Variants in AKAP9 observed in about 807,000 individuals in gnomAD.
AKAP9 encodes A-kinase anchoring protein 9.
In AKAP9, 311 loss-of-function variants were observed where a neutral mutation model predicts 488.5. That is an observed-to-expected ratio of 0.64 (90% CI 0.58 to 0.70). The LOEUF is 0.70. Among genes scored for constraint, AKAP9 ranks in the 30% least tolerant of loss-of-function variants. The pLI is 0.00. For synonymous variants in AKAP9, 1,462 were observed against 1,483.5 expected (o/e 0.99, Z 0.33); for missense variants, 4,215 against 4,374.5 (o/e 0.96, Z 1.03).
At chr7:91,970,144 G>A (rs1439115163) in intron 1 of AKAP9, among the ~76,000 whole-genome samples, 1 of 151,600 alleles carries the variant, frequency 6.6e-6, no homozygotes, top group Non-Finnish European at 1.5e-5. Context: ...TTATTTTAAT[G>A]ATATGACAAC....
intron 8 of AKAP9, among the ~76,000 whole-genome samples, chr7:92,007,112 T>TA (rs1309799165): frequency 6.6e-6 from 1 of 152,142 alleles, no homozygotes; most frequent in Non-Finnish European, 1.5e-5. Context: ...GCCTTCATGT[T>TA]AGAGTCAGGA....
chr7:92,108,376 G>T, intron 48 of AKAP9, 118 bp from the exon 49 acceptor site: 1 of 938,346 alleles, frequency 1.1e-6, no homozygotes, highest in South Asian at 1.3e-5. Context: ...GCTTGGAGGA[G>T]ATACATTATG....
chr7:92,070,933 T>C lies in AKAP9; in HGVS notation c.6536T>C (p.Val2179Ala), dbSNP rs1060503580. ...KVEDRKHFGA[V>A]EAKPELSLEV... ...GAGGACCGAAAACACTTTGGAGCTGTAGAAGCTAAACCAGAATTGTCCCTA... is the reference window on the plus strand; with the variant it reads ...GAGGACCGAAAACACTTTGGAGCTGCAGAAGCTAAACCAGAATTGTCCCTA... Residue 2179 changes from valine (V) to alanine (A), a missense_variant, in exon 28 of 50, where the codon GTA (valine) becomes GCA (alanine). By Grantham distance (64) the Val-to-Ala change is moderately conservative. Transcript: ENST00000356239. 8.1e-6 allele frequency: 13 copies of C among 1,613,744 alleles called. No homozygotes were observed. The highest frequency in any genetic ancestry group is 1.6e-4 in the Middle Eastern group (1 of 6,082).
intron 21 of AKAP9, among the ~76,000 whole-genome samples, chr7:92,046,122 C>A (rs1711930807): frequency 6.6e-6 from 1 of 152,142 alleles, no homozygotes; most frequent in Non-Finnish European, 1.5e-5. Flanking sequence ...GCGTGAGCCA[C>A]CATGCCCGGC....
At chr7:92,089,106 C>T (rs1815092099) in intron 37 of AKAP9, among the ~76,000 whole-genome samples, 1 of 151,992 alleles carries the variant, frequency 6.6e-6, no homozygotes, top group African/African-American at 2.4e-5. Context: ...CTCTGTATAT[C>T]ACATAATAGT....
chr7:92,045,266 C>A, intron 21 of AKAP9, 53 bp downstream of exon 21: 2 of 1,547,148 alleles, frequency 1.3e-6, no homozygotes, highest in South Asian at 1.1e-5. Context: ...CTGCTGAGTT[C>A]AAGGCATTTT....
rs773171728 is a variant in AKAP9 at position 92,045,081 on chromosome 7, G to A, written c.5236G>A (p.Glu1746Lys). 2 of 1,613,478 alleles carry A rather than the reference G, an allele frequency of 1.2e-6. No homozygotes were observed. Among genetic ancestry groups the A allele is most frequent in the Non-Finnish European group, 1.7e-6 (2 of 1,179,900 alleles). The change falls in exon 21 of 50, where the codon GAA becomes AAA. Residue 1746 changes from glutamate to lysine, a missense_variant. Coordinates refer to ENST00000356239, the MANE Select transcript of AKAP9 (RefSeq NM_005751.5). ...LEVVKTTAAV[E>K]ETIGRHVLGI... The stretch of plus-strand genomic sequence containing the variant: ...AGTTGTAAAGACAACAGCAGCTGTT[G>A]AAGAAACAATTGGTCGCCATGTCCT...
chr7:92,100,208 C>T (rs1379147363), intron 44 of AKAP9, among the ~76,000 whole-genome samples: 8 of 152,182 alleles, frequency 5.3e-5, no homozygotes, highest in East Asian at 1.9e-4. Flanking sequence ...TAGGGACCAA[C>T]AACAGATACA....
At chr7:92,041,079 G>A (rs1806030181) in intron 18 of AKAP9, 181 bp downstream of exon 18, 1 of 573,988 alleles carries the variant, frequency 1.7e-6, no homozygotes, top group East Asian at 2.8e-5. Context: ...TACTAAGACA[G>A]CAGCTTTAGA....
rs768097461 is a variant in AKAP9 at position 91,992,940 on chromosome 7, C to T, written c.461C>T (p.Pro154Leu). ...TCTGAACAAGGAGCACAAGACAGTCCGACTCATCTAGAGATGATGGAAAGT... is the reference window on the plus strand; with the variant it reads ...TCTGAACAAGGAGCACAAGACAGTCTGACTCATCTAGAGATGATGGAAAGT... ...SYSEQGAQDS[P>L]THLEMMESEL... The change falls in exon 5 of 50, where the codon CCG becomes CTG. Residue 154 changes from proline to leucine, a missense_variant. Pro to Leu is a moderately conservative substitution (Grantham distance 98). This residue lies in a region of AKAP9 where 2,361 missense variants were observed against 2,430.0 expected (regional missense o/e 0.97). Coordinates refer to ENST00000356239, the MANE Select transcript of AKAP9 (RefSeq NM_005751.5). 61 of 1,613,760 alleles carry T rather than the reference C, an allele frequency of 3.8e-5. No homozygotes were observed. In the Admixed American group the frequency reaches 5.0e-4, roughly 13 times the overall value.
chr7:92,017,487 C>T (rs1270101637), intron 12 of AKAP9, among the ~76,000 whole-genome samples: 3 of 152,026 alleles, frequency 2.0e-5, no homozygotes, highest in African/African-American at 7.2e-5. Flanking sequence ...TTATACATGT[C>T]AATTTTATTT....
intron 26 of AKAP9, among the ~76,000 whole-genome samples, chr7:92,067,827 T>C (rs954038756): frequency 5.3e-5 from 8 of 152,228 alleles, no homozygotes; most frequent in African/African-American, 1.7e-4. Flanking sequence ...AGTTAACCTC[T>C]CAAATCTCTG....
rs199520011 is a variant in AKAP9 at position 92,075,775 on chromosome 7, T to TA, written c.6613-1079dup. The stretch of plus-strand genomic sequence containing the variant: ...GTAAACTGTTACAAGTGATGGCTGT[T>TA]ACTACTAGTATTGATACTGTTTAGG... On this transcript the variant is annotated intron_variant, in intron 28 of 49. Transcript: ENST00000356239. Among the ~76,000 whole-genome samples the TA allele has an allele frequency of 6.6e-5, 10 of 152,372 alleles. No individual in the cohort carries two copies. The East Asian group carries it at 1.7e-3, about 26-fold the overall frequency.
intron 23 of AKAP9, among the ~76,000 whole-genome samples, chr7:92,061,762 A>T (rs1245714696): frequency 1.3e-5 from 2 of 151,818 alleles, no homozygotes; most frequent in African/African-American, 2.4e-5. Context: ...AAGCGAAAAG[A>T]TGTTATTAAA....
chr7:92,093,076 T>C, intron 38 of AKAP9, 21 bp from the exon 39 acceptor site: 1 of 1,590,998 alleles, frequency 6.3e-7, no homozygotes, highest in Non-Finnish European at 8.6e-7. Context: ...ATGTTTCAAA[T>C]ATTAATCATG....
chr7:92,032,458 T>C (rs1013468949), intron 16 of AKAP9, among the ~76,000 whole-genome samples: 2 of 150,086 alleles, frequency 1.3e-5, no homozygotes, highest in Admixed American at 1.3e-4. Flanking sequence ...ATCGCACCAT[T>C]GTACTCCAGC....
intron 49 of AKAP9, chr7:92,109,049 G>GAAAA: frequency 5.7e-6 from 1 of 174,446 alleles, no homozygotes; most frequent in East Asian, 8.9e-5. Context: ...CTGTCTCAAA[G>GAAAA]AAAAAAAAAA....
chr7:91,994,180 T>TAA (rs1342866854), intron 5 of AKAP9, among the ~76,000 whole-genome samples: 1 of 152,142 alleles, frequency 6.6e-6, no homozygotes, highest in African/African-American at 2.4e-5. Flanking sequence ...TAACCTCTTG[T>TAA]GGTTAGACTA....
At chr7:91,946,004 CTA>C (rs1398564860) in intron 1 of AKAP9, among the ~76,000 whole-genome samples, 1 of 152,020 alleles carries the variant, frequency 6.6e-6, no homozygotes, top group Non-Finnish European at 1.5e-5. Context: ...AAACTACTGT[CTA>C]TTATATTCAG....
Sources: allele counts gnomAD v4.1 joint callset (sites outside exome capture counted in the v4.1 genomes callset), GRCh38; gene constraint gnomAD v4.1.1; regional missense constraint gnomAD v4.1.1; transcripts MANE v1.5; gene names NCBI Gene and HGNC (gene_info 2026-07-23, HGNC 2026-07-21).